The following ADCYAP1R1 variants were observed in gnomAD, a reference collection of about 807,000 sequenced individuals.
ADCYAP1R1 encodes the protein pituitary adenylate cyclase-activating polypeptide type I receptor.
In ADCYAP1R1, 44 loss-of-function variants were observed where a neutral mutation model predicts 67.6. The observed-to-expected ratio is 0.65, with a 90% confidence interval of 0.51 to 0.84. The LOEUF is 0.84. ADCYAP1R1 is among the 40% of genes least tolerant of loss of function. The pLI is 0.00. For synonymous variants in ADCYAP1R1, 222 were observed against 219.6 expected (o/e 1.01, Z -0.10); for missense variants, 477 against 587.9 (o/e 0.81, Z 1.95).
intron 3 of ADCYAP1R1, among the ~76,000 whole-genome samples, chr7:31,077,471 GGT>G (rs1415258278): frequency 1.9e-5 from 2 of 105,258 alleles, no homozygotes; most frequent in African/African-American, 5.9e-5. Context: ...GCATGTGTGT[GGT>G]GTGTGTAGTG....
At chr7:31,097,979 C>T (rs1052537566) in intron 13 of ADCYAP1R1, among the ~76,000 whole-genome samples, 1 of 152,198 alleles carries the variant, frequency 6.6e-6, no homozygotes, top group Admixed American at 6.5e-5. Context: ...TGGCTCACTG[C>T]AACCTCTTTC....
intron 1 of ADCYAP1R1, among the ~76,000 whole-genome samples, chr7:31,053,614 G>T (rs963365394): frequency 6.6e-6 from 1 of 152,216 alleles, no homozygotes; most frequent in African/African-American, 2.4e-5. Flanking sequence ...CCCCTTTTTG[G>T]AAGATGGGGG....
intron 8 of ADCYAP1R1, 80 bp downstream of exon 8, chr7:31,084,914 C>A (rs147848040): frequency 4.1e-5 from 54 of 1,303,852 alleles, no homozygotes; most frequent in Admixed American, 2.0e-4. Flanking sequence ...TCCCCTCCCC[C>A]CTTGATGTCA....
rs919769489 is a variant in ADCYAP1R1 at position 31,107,016 on chromosome 7, C to T, written c.*332C>T. On this transcript the variant is annotated 3_prime_UTR_variant, in exon 16 of 16. Transcript: ENST00000304166. ...CAGCTCCACCCCACTGTTTCTTGGT[C>T]AGCCTCAGTGATGGCCTGACCCCAG... The T allele has an allele frequency of 2.8e-5, 8 of 282,976 alleles. No homozygotes were observed. The highest frequency in any genetic ancestry group is 4.4e-5 in the African/African-American group (2 of 45,376). The allele number at this position is 282,976 out of a possible 1,614,324, so 17.5% of individuals were successfully genotyped here.
chr7:31,103,929 G>GC (rs1216597790), intron 14 of ADCYAP1R1, among the ~76,000 whole-genome samples: 1 of 152,246 alleles, frequency 6.6e-6, no homozygotes, highest in Non-Finnish European at 1.5e-5. Flanking sequence ...GGCAGGAGCA[G>GC]CAGTAGGTGG....
intron 13 of ADCYAP1R1, among the ~76,000 whole-genome samples, chr7:31,098,119 C>T (rs963485311): frequency 2.6e-5 from 4 of 152,140 alleles, no homozygotes; most frequent in African/African-American, 9.7e-5. Context: ...CCAGGCTGGT[C>T]TCAAACTCCT....
At position 31,092,639 on chromosome 7, in the gene ADCYAP1R1, C is replaced by G; in HGVS notation, c.955-5C>G. The G allele has an allele frequency of 6.3e-7, 1 of 1,593,168 alleles. No homozygotes were observed. The highest frequency in any genetic ancestry group is 8.5e-7 in the Non-Finnish European group (1 of 1,174,058). On this transcript the variant is annotated splice_region_variant and splice_polypyrimidine_tract_variant and intron_variant, in intron 12 of 15. Transcript: ENST00000304166. ...CCATCTGCTTTTTTTTTTTTTGCTC[C>G]TTAGGTTAACTTTGTGCTTTTTATT...
Position 31,098,066 on chromosome 7 carries a change from A to G in ADCYAP1R1, c.1047-5171A>G, listed in dbSNP as rs539611493. ...CAGGCACCTGCCACTACGCCCGGCT[A>G]ATTTTTTTGTATTTTAGTAGAGACA... On this transcript the variant is annotated intron_variant, in intron 13 of 15. Coordinates refer to ENST00000304166, the MANE Select transcript of ADCYAP1R1 (RefSeq NM_001118.5). Among the ~76,000 whole-genome samples the G allele has an allele frequency of 1.5e-3, 226 of 152,006 alleles. 1 individual carries two copies. Among genetic ancestry groups the G allele is most frequent in the Non-Finnish European group, 2.6e-3 (176 of 67,944 alleles).
intron 4 of ADCYAP1R1, 32 bp from the exon 5 acceptor site, chr7:31,080,581 C>G: frequency 6.2e-7 from 1 of 1,610,928 alleles, no homozygotes; most frequent in Non-Finnish European, 8.5e-7. Flanking sequence ...TCACCTCTGA[C>G]TTTTCTCTCT....
chr7:31,104,655 G>A (rs922977381), intron 14 of ADCYAP1R1, among the ~76,000 whole-genome samples: 1 of 152,190 alleles, frequency 6.6e-6, no homozygotes, highest in Non-Finnish European at 1.5e-5. Context: ...GAATGTATCT[G>A]TGGGACAGGA....
In ADCYAP1R1 at chr7:31,084,232, A is replaced by G; in HGVS notation, c.420A>G (p.Glu140=). Residue 140 remains glutamate, a synonymous_variant, in exon 7 of 16, where the codon GAA becomes GAG. Coordinates refer to ENST00000304166, the MANE Select transcript of ADCYAP1R1 (RefSeq NM_001118.5). ...ATGCCTGTGGGTTTGATGAATATGA[A>G]TCTGAGACTGGGGACCAGGTGAGTG... ...YFDACGFDEY[E]SETGDQDYYY... is the part of the protein sequence containing the mutation. 1 of 1,614,044 alleles carries G rather than the reference A, an allele frequency of 6.2e-7. No homozygotes were observed. The highest frequency in any genetic ancestry group is 8.5e-7 in the Non-Finnish European group (1 of 1,179,982).
intron 1 of ADCYAP1R1, among the ~76,000 whole-genome samples, chr7:31,058,812 G>A (rs935356003): frequency 6.6e-6 from 1 of 152,168 alleles, no homozygotes; most frequent in Non-Finnish European, 1.5e-5. Flanking sequence ...TGGAAGCATA[G>A]GGATGGAGTG....
chr7:31,089,514 A>G (rs1269130387), intron 12 of ADCYAP1R1, among the ~76,000 whole-genome samples: 1 of 150,368 alleles, frequency 6.7e-6, no homozygotes, highest in East Asian at 1.9e-4. Flanking sequence ...TTATTTAGTC[A>G]TGGCTATTTA....
At chr7:31,077,625 GTGTA>G (rs1375897543) in intron 3 of ADCYAP1R1, among the ~76,000 whole-genome samples, 2 of 146,772 alleles carry the variant, frequency 1.4e-5, no homozygotes, top group South Asian at 2.2e-4. Context: ...TGTGTGTAGT[GTGTA>G]TGATATATGT....
At chr7:31,104,972 G>T in intron 15 of ADCYAP1R1, 63 bp downstream of exon 15, 1 of 1,537,292 alleles carries the variant, frequency 6.5e-7, no homozygotes, top group Non-Finnish European at 9.0e-7. Flanking sequence ...AGCAGACAGG[G>T]GAACCACCTG....
At chr7:31,091,756 C>T (rs1202890698) in intron 12 of ADCYAP1R1, among the ~76,000 whole-genome samples, 2 of 152,078 alleles carry the variant, frequency 1.3e-5, no homozygotes, top group African/African-American at 4.8e-5. Context: ...CAGAATCCTG[C>T]CCTCATGAAA....
At chr7:31,091,916 C>T (rs531458895) in intron 12 of ADCYAP1R1, among the ~76,000 whole-genome samples, 53 of 150,944 alleles carry the variant, frequency 3.5e-4, no homozygotes, top group South Asian at 3.2e-3. Flanking sequence ...ATATAAGTTA[C>T]GTTTGTGGTA....
At chr7:31,054,124 TAC>T (rs1323973318) in intron 1 of ADCYAP1R1, among the ~76,000 whole-genome samples, 3 of 152,064 alleles carry the variant, frequency 2.0e-5, no homozygotes, top group Non-Finnish European at 4.4e-5. Flanking sequence ...AATCTGAACA[TAC>T]AGATTGGAGG....
chr7:31,061,609 G>C (rs1182940296), intron 1 of ADCYAP1R1, among the ~76,000 whole-genome samples: 1 of 152,224 alleles, frequency 6.6e-6, no homozygotes, highest in Non-Finnish European at 1.5e-5. Flanking sequence ...CATCTCTTGG[G>C]ATATCTGAGG....
Sources: gnomAD v4.1 joint callset for allele counts (sites outside exome capture counted in the v4.1 genomes callset) on GRCh38, gnomAD v4.1.1 for gene constraint, MANE v1.5 for transcripts, NCBI Gene and HGNC (gene_info 2026-07-23, HGNC 2026-07-21) for gene names.